Variants in CADPS2 observed in about 807,000 individuals in gnomAD.
CADPS2 encodes the protein calcium-dependent secretion activator 2.
CADPS2 carries 93 observed loss-of-function variants against 172.5 expected under a neutral mutation model. The observed-to-expected ratio is 0.54, with a 90% CI of 0.46 to 0.64. The LOEUF is 0.64. Ranked by LOEUF, CADPS2 falls within the 30% of genes least tolerant of loss-of-function variation. The pLI is 0.00. For missense variants in CADPS2, 1,420 were observed against 1,565.9 expected (o/e 0.91, Z 1.57); for synonymous variants, 546 against 555.2 (o/e 0.98, Z 0.23).
intron 1 of CADPS2, among the ~76,000 whole-genome samples, chr7:122,841,736 A>C (rs1186214545): frequency 1.3e-5 from 2 of 152,186 alleles, no homozygotes; most frequent in Admixed American, 6.5e-5. Context: ...GTTGCCTTAA[A>C]TTTTCAGCTG....
intron 1 of CADPS2, among the ~76,000 whole-genome samples, chr7:122,806,993 C>G: frequency 6.6e-6 from 1 of 152,180 alleles, no homozygotes; most frequent in East Asian, 1.9e-4. Flanking sequence ...AGCATTCCTC[C>G]TTTGCAGTGA....
chr7:122,848,649 T>C (rs1470882750), intron 1 of CADPS2, among the ~76,000 whole-genome samples: 3 of 152,248 alleles, frequency 2.0e-5, no homozygotes, highest in Admixed American at 2.0e-4. Context: ...TTCCCCATTA[T>C]ACTGTGTTTC....
intron 6 of CADPS2, among the ~76,000 whole-genome samples, chr7:122,595,916 C>T (rs1185942666): frequency 6.6e-6 from 1 of 152,018 alleles, no homozygotes; most frequent in African/African-American, 2.4e-5. Context: ...CAAGTGGATA[C>T]TCAAGTGCAA....
chr7:122,786,337 A>G (rs1291282836), intron 1 of CADPS2, among the ~76,000 whole-genome samples: 1 of 152,214 alleles, frequency 6.6e-6, no homozygotes, highest in Non-Finnish European at 1.5e-5. Context: ...AGCACAGTCA[A>G]GACACTGGGA....
At chr7:122,668,147 G>A (rs1304951853) in intron 2 of CADPS2, among the ~76,000 whole-genome samples, 1 of 152,200 alleles carries the variant, frequency 6.6e-6, no homozygotes, top group Non-Finnish European at 1.5e-5. Flanking sequence ...AGGCTAGAGA[G>A]AAAAGTGGAG....
At chr7:122,503,160 T>A (rs2059351603) in intron 9 of CADPS2, among the ~76,000 whole-genome samples, 1 of 149,830 alleles carries the variant, frequency 6.7e-6, no homozygotes, top group Admixed American at 6.8e-5. Flanking sequence ...GTCTCAGGAG[T>A]AGCTGGGATT....
chr7:122,584,454 T>C (rs1021418328), intron 6 of CADPS2, among the ~76,000 whole-genome samples: 2 of 151,946 alleles, frequency 1.3e-5, no homozygotes, highest in Non-Finnish European at 2.9e-5. Context: ...ATTCTTAATG[T>C]TTTCTTTTTT....
chr7:122,551,208 T>C (rs2064240507), intron 8 of CADPS2, among the ~76,000 whole-genome samples: 1 of 152,112 alleles, frequency 6.6e-6, no homozygotes, highest in Non-Finnish European at 1.5e-5. Context: ...TTTTTTACAT[T>C]AAAATTATGT....
chr7:122,421,884 G>A (rs1298466960), intron 17 of CADPS2: 1 of 152,174 alleles, frequency 6.6e-6, no homozygotes, highest in Non-Finnish European at 1.5e-5. Context: ...AATTATTGTG[G>A]TGGGTATGTG....
At chr7:122,564,876 C>CAA (rs1038310959) in intron 7 of CADPS2, among the ~76,000 whole-genome samples, 2 of 147,426 alleles carry the variant, frequency 1.4e-5, no homozygotes, top group Non-Finnish European at 3.0e-5. Flanking sequence ...CACACACACA[C>CAA]AAAACACTAC....
intron 3 of CADPS2, among the ~76,000 whole-genome samples, chr7:122,634,280 G>C (rs754408336): frequency 6.6e-5 from 10 of 152,068 alleles, no homozygotes; most frequent in Non-Finnish European, 1.5e-4. Flanking sequence ...TATAAATGCT[G>C]AGCTAAGAAG....
chr7:122,838,632 T>C (rs1809348993), intron 1 of CADPS2, among the ~76,000 whole-genome samples: 2 of 151,804 alleles, frequency 1.3e-5, no homozygotes, highest in African/African-American at 4.9e-5. Flanking sequence ...TATAAACCAA[T>C]AACAGACAAA....
At chr7:122,817,034 T>C (rs13311506) in intron 1 of CADPS2, among the ~76,000 whole-genome samples, 83 of 146,826 alleles carry the variant, frequency 5.7e-4, no homozygotes, top group African/African-American at 2.0e-3. Flanking sequence ...CTTTACCTAC[T>C]CAAATCCTAT....
chr7:122,687,429 T>C (rs896007136), intron 2 of CADPS2, among the ~76,000 whole-genome samples: 1 of 152,186 alleles, frequency 6.6e-6, no homozygotes, highest in Non-Finnish European at 1.5e-5. Context: ...AACTGCAGGG[T>C]AGTGGTTAAG....
At chr7:122,744,244 T>C (rs2092624197) in intron 1 of CADPS2, among the ~76,000 whole-genome samples, 1 of 152,176 alleles carries the variant, frequency 6.6e-6, no homozygotes, top group African/African-American at 2.4e-5. Context: ...GATGGTGAGG[T>C]GGCAAGATAA....
At chr7:122,864,999 A>G (rs1469131293) in intron 1 of CADPS2, among the ~76,000 whole-genome samples, 1 of 151,976 alleles carries the variant, frequency 6.6e-6, no homozygotes, top group Non-Finnish European at 1.5e-5. Context: ...TTTGATCCCA[A>G]TGTTGGAAGT....
chr7:122,325,566 A>G lies in CADPS2; in HGVS notation c.3628T>C (p.Ser1210Pro). 1 of 1,608,578 alleles carries G rather than the reference A, an allele frequency of 6.2e-7. No individual in the cohort carries two copies. ...EKLFDQWYSS[S>P]MKVICVWLTD... The stretch of plus-strand genomic sequence containing the variant: ...AACCACACGCAAATGACTTTCATGG[A>G]ACTGCTGTACCATTGCTAGAAGGGA... The change falls in exon 29 of 30, where the codon TCC becomes CCC. Residue 1210 changes from serine to proline, a missense_variant. Physicochemically the swap from Ser to Pro is moderately conservative, Grantham distance 74. Transcript: ENST00000449022.
chr7:122,415,269 T>G (rs1446742368), intron 18 of CADPS2, among the ~76,000 whole-genome samples: 2 of 152,128 alleles, frequency 1.3e-5, no homozygotes, highest in African/African-American at 2.4e-5. Flanking sequence ...TTATAGTATG[T>G]CACAAATTTT....
chr7:122,687,439 G>C (rs1240163328), intron 2 of CADPS2, among the ~76,000 whole-genome samples: 1 of 152,164 alleles, frequency 6.6e-6, no homozygotes, highest in African/African-American at 2.4e-5. Context: ...TAGTGGTTAA[G>C]ACCATGAGCT....
Sources: allele counts gnomAD v4.1 joint callset (sites outside exome capture counted in the v4.1 genomes callset), GRCh38; gene constraint gnomAD v4.1.1; transcripts MANE v1.5; gene names NCBI Gene and HGNC (gene_info 2026-07-23, HGNC 2026-07-21).